Variants in DMXL1 observed in about 807,000 individuals in gnomAD.
DMXL1 encodes the protein dmX-like protein 1.
In DMXL1, 99 loss-of-function variants were observed where a neutral mutation model predicts 319.2. The observed-to-expected ratio is 0.31, with a 90% confidence interval of 0.26 to 0.37. The LOEUF is 0.37. Among genes scored for constraint, DMXL1 ranks in the 10% least tolerant of loss-of-function variants. The probability of loss-of-function intolerance (pLI) is 1.00; values close to 1 mark genes in which losing one functional copy is unlikely to be tolerated. For missense variants in DMXL1, 3,745 were observed against 3,595.6 expected, an observed-to-expected ratio of 1.04 and a Z score of -1.06; for synonymous variants, 1,385 against 1,235.2, an observed-to-expected ratio of 1.12 and a Z score of -2.54.
At chr5:119,233,581 T>A in intron 39 of DMXL1, 114 bp downstream of exon 39, 1 of 713,940 alleles carries the variant, frequency 1.4e-6, no homozygotes, top group Non-Finnish European at 2.2e-6. Context: ...AGTATTGATC[T>A]ATATAGATGC....
chr5:119,170,608 C>A lies in DMXL1; in HGVS notation c.5817C>A (p.Ser1939=), dbSNP rs763394034. 2.5e-6 allele frequency: 4 copies of A among 1,613,604 alleles called. No homozygotes were observed. The Admixed American group carries it at 6.7e-5, about 27-fold the overall frequency. Residue 1939 remains serine, a synonymous_variant, in exon 24 of 44, where the codon TCC becomes TCA. Coordinates refer to ENST00000539542, the MANE Select transcript of DMXL1 (RefSeq NM_001290321.3). ...GTTTTGGATCTTCTTCAGAGGGTTC[C>A]TCAGAGAAGCAATCAAACTCCACTC... ...INGFGSSSEG[S]SEKQSNSTLS...
chr5:119,245,128 A>G (rs1290340724), intron 43 of DMXL1, among the ~76,000 whole-genome samples: 1 of 152,200 alleles, frequency 6.6e-6, no homozygotes, highest in Admixed American at 6.5e-5. Flanking sequence ...GTCTCACTCC[A>G]GAAATACTCA....
chr5:119,105,114 A>G, intron 3 of DMXL1, 66 bp from the exon 4 acceptor site: 1 of 1,024,282 alleles, frequency 9.8e-7, no homozygotes, highest in East Asian at 2.4e-5. Context: ...AACAAGCATA[A>G]ACGTACACAT....
chr5:119,201,661 T>C (rs1399651077), intron 32 of DMXL1, among the ~76,000 whole-genome samples: 1 of 152,190 alleles, frequency 6.6e-6, no homozygotes, highest in Non-Finnish European at 1.5e-5. Context: ...CTTTTCTTTG[T>C]ACATTTCGTA....
chr5:119,124,363 T>G (rs1260919834), intron 9 of DMXL1, among the ~76,000 whole-genome samples: 1 of 151,956 alleles, frequency 6.6e-6, no homozygotes, highest in Non-Finnish European at 1.5e-5. Context: ...CAAATGCTTT[T>G]TTAGCTGTGT....
intron 40 of DMXL1, 34 bp downstream of exon 40, chr5:119,237,448 T>TGAA: frequency 7.4e-7 from 1 of 1,343,698 alleles, no homozygotes; most frequent in Non-Finnish European, 1.1e-6. Context: ...AAATAAAATT[T>TGAA]GAATTTTCAT....
rs571294099 is a variant in DMXL1, at chr5:119,144,556, G to A, written c.2487G>A (p.Leu829=). 1 of 1,602,522 alleles carries A rather than the reference G, an allele frequency of 6.2e-7. No homozygotes were observed. The highest frequency in any genetic ancestry group is 8.5e-7 in the Non-Finnish European group (1 of 1,176,152). The change falls in exon 15 of 44, where the codon CTG becomes CTA. Residue 829 remains leucine (L), a synonymous_variant. Transcript: ENST00000539542. ...TTCAGCATGGCAGAAAAACCCAACT[G>A]CTTCATGTTTTTGAAGAAGACTTCA... is the stretch of plus-strand genomic sequence containing the variant. ...ITKLHGRKTQ[L]LHVFEEDFIL...
intron 9 of DMXL1, among the ~76,000 whole-genome samples, chr5:119,122,230 A>C (rs1288425448): frequency 3.9e-5 from 4 of 103,122 alleles, no homozygotes; most frequent in African/African-American, 7.6e-5. Flanking sequence ...GGCGCCCCTC[A>C]CCTCCCGGAC....
chr5:119,148,652 A>C (rs1206099226), intron 17 of DMXL1, 87 bp from the exon 18 acceptor site: 7 of 1,304,600 alleles, frequency 5.4e-6, no homozygotes, highest in Non-Finnish European at 6.4e-6. Context: ...TATAGTAGTT[A>C]ATACAAAAGA....
chr5:119,122,576 A>G (rs1338584538), intron 9 of DMXL1, among the ~76,000 whole-genome samples: 1 of 146,682 alleles, frequency 6.8e-6, no homozygotes, highest in Non-Finnish European at 1.5e-5. Flanking sequence ...GGGGCTCCTC[A>G]CTTCTCTGAC....
At position 119,133,270 on chromosome 5, in the gene DMXL1, A is replaced by G; in HGVS notation, c.1454A>G (p.Glu485Gly). Residue 485 changes from glutamate (E) to glycine (G), a missense_variant, in exon 11 of 44, where the codon GAA becomes GGA. This residue lies in a region of DMXL1 where 2,096 missense variants were observed against 1,985.4 expected (regional missense o/e 1.06). Transcript: ENST00000539542. ...IDHQIEVLLSEWSKNADMLFS... is the reference protein window; with the variant it reads ...IDHQIEVLLSGWSKNADMLFS... Reference sequence around the variant, plus strand: ...CATCAGATTGAAGTACTTCTGTCTGAATGGAGTAAAAATGCAGATATGCTA... The same window carrying G: ...CATCAGATTGAAGTACTTCTGTCTGGATGGAGTAAAAATGCAGATATGCTA... 6.2e-7 allele frequency: 1 copy of G among 1,614,144 alleles called. No individual in the cohort carries two copies.
intron 39 of DMXL1, among the ~76,000 whole-genome samples, chr5:119,234,861 A>G (rs1333998053): frequency 1.3e-5 from 2 of 152,146 alleles, no homozygotes; most frequent in African/African-American, 2.4e-5. Flanking sequence ...GAACCCTTCA[A>G]GGCTCCTCAT....
At chr5:119,220,919 C>G (rs746473190) in intron 36 of DMXL1, 21 bp from the exon 37 acceptor site, 15 of 1,604,724 alleles carry the variant, frequency 9.3e-6, no homozygotes, top group Non-Finnish European at 1.2e-5. Flanking sequence ...TGTTTTTATT[C>G]TGGTTGACAT....
intron 25 of DMXL1, among the ~76,000 whole-genome samples, chr5:119,172,800 C>T (rs945491428): frequency 4.6e-5 from 7 of 151,838 alleles, no homozygotes; most frequent in African/African-American, 1.7e-4. Flanking sequence ...CACACCAATT[C>T]GATTTTCTGT....
intron 7 of DMXL1, among the ~76,000 whole-genome samples, chr5:119,118,514 A>G (rs537917633): frequency 1.3e-5 from 2 of 152,250 alleles, no homozygotes; most frequent in East Asian, 1.9e-4. Flanking sequence ...CGGGAGGATT[A>G]CTTGAGCCAG....
chr5:119,091,034 C>T (rs990496871), intron 1 of DMXL1, among the ~76,000 whole-genome samples: 1 of 152,034 alleles, frequency 6.6e-6, no homozygotes, highest in African/African-American at 2.4e-5. Context: ...TGTTTATTAA[C>T]TTTTTCTGAT....
chr5:119,158,598 G>T (rs1561753820), intron 19 of DMXL1, among the ~76,000 whole-genome samples: 1 of 152,120 alleles, frequency 6.6e-6, no homozygotes, highest in Non-Finnish European at 1.5e-5. Context: ...GTCACTGTTG[G>T]GTATGATGTT....
chr5:119,151,860 C>A, intron 18 of DMXL1, 69 bp from the exon 19 acceptor site: 2 of 894,590 alleles, frequency 2.2e-6, no homozygotes, highest in Non-Finnish European at 3.7e-6. Context: ...ATGTTATATG[C>A]CTATATTGGG....
At position 119,246,922 on chromosome 5, in the gene DMXL1, C is replaced by T. The variant is rs140327241; in HGVS notation, c.8923-73C>T. 3.9e-3 allele frequency: 4,528 copies of T among 1,157,636 alleles called. 96 individuals carry two copies. Among genetic ancestry groups the T allele is most frequent in the Admixed American group, 0.032 (1,454 of 45,784 alleles). 71.7% of individuals were successfully genotyped at this position (1,157,636 alleles called of 1,614,324 possible). On this transcript the variant is annotated intron_variant, in intron 43 of 43. Coordinates refer to ENST00000539542, the MANE Select transcript of DMXL1 (RefSeq NM_001290321.3). ...TGCTGGGATTACAGGCATGAGCCAC[C>T]GCACCTGGCCTCATTTGATTTCTTA...
Sources: allele counts gnomAD v4.1 joint callset (sites outside exome capture counted in the v4.1 genomes callset), GRCh38; gene constraint gnomAD v4.1.1; regional missense constraint gnomAD v4.1.1; transcripts MANE v1.5; gene names NCBI Gene and HGNC (gene_info 2026-07-23, HGNC 2026-07-21).